Variants in CDKL3 observed in about 807,000 individuals in gnomAD.
The protein encoded by CDKL3 is cyclin-dependent kinase-like 3.
Under a neutral mutation model 69.3 loss-of-function variants are expected in CDKL3, and 65 were observed. That is an observed-to-expected ratio of 0.94 (90% CI 0.77 to 1.15). The LOEUF (loss-of-function observed/expected upper bound fraction) is 1.15. CDKL3 is among the 50% of genes most tolerant of loss of function. CDKL3 has a pLI of 0.00. For missense variants in CDKL3, 652 were observed against 689.2 expected (o/e 0.95, Z 0.61); for synonymous variants, 202 against 221.6 (o/e 0.91, Z 0.79).
intron 4 of CDKL3, among the ~76,000 whole-genome samples, chr5:134,340,344 G>A (rs1288763780): frequency 6.6e-6 from 1 of 151,696 alleles, no homozygotes; most frequent in Non-Finnish European, 1.5e-5. Context: ...ACTAAACCAA[G>A]CAAACAAAAA....
intron 11 of CDKL3, 135 bp downstream of exon 11, chr5:134,304,270 T>A (rs2149428609): frequency 1.5e-6 from 1 of 682,308 alleles, no homozygotes; most frequent in South Asian, 2.3e-5. Context: ...GGGGAGAAAA[T>A]CTCATCAGCT....
At chr5:134,291,233 A>G (rs928869127) in intron 8 of CDKL3, among the ~76,000 whole-genome samples, 9 of 152,216 alleles carry the variant, frequency 5.9e-5, no homozygotes, top group African/African-American at 2.2e-4. Context: ...ATTTTAATAT[A>G]GCTGTTGAAT....
In CDKL3 at chr5:134,321,844, T is replaced by C. The variant is rs370728517; in HGVS notation, c.599A>G (p.Tyr200Cys). Residue 200 changes from tyrosine to cysteine, a missense_variant, in exon 5 of 13, where the codon TAT becomes TGT. By Grantham distance (194) the Tyr-to-Cys change is radical (BLOSUM62 -2). Coordinates refer to ENST00000265334, the MANE Select transcript of CDKL3 (RefSeq NM_001113575.2). ...MIIEMATGNP[Y>C]LPSSSDLDLL... ...ATCCAAATCAGAACTACTAGGAAGATAGGGATTTCCAGTGGCCATCTCAAT... is the reference window on the plus strand; with the variant it reads ...ATCCAAATCAGAACTACTAGGAAGACAGGGATTTCCAGTGGCCATCTCAAT... The C allele has an allele frequency of 2.0e-5, 32 of 1,612,746 alleles. 2 individuals carry two copies. Among genetic ancestry groups the C allele is most frequent in the South Asian group, 7.7e-5 (7 of 90,974 alleles).
intron 3 of CDKL3, among the ~76,000 whole-genome samples, chr5:134,356,849 G>C (rs1754732920): frequency 6.6e-6 from 1 of 151,882 alleles, no homozygotes; most frequent in Non-Finnish European, 1.5e-5. Flanking sequence ...GGTTAGTTTT[G>C]TTTTACATCA....
At chr5:134,366,633 C>A in intron 1 of CDKL3, 89 bp from the exon 2 acceptor site, 1 of 819,186 alleles carries the variant, frequency 1.2e-6, no homozygotes, top group Non-Finnish European at 1.9e-6. Flanking sequence ...CACAATAAAC[C>A]CACAGTCTCA....
Position 134,350,436 on chromosome 5 carries a change from C to T in CDKL3, c.361-9G>A. 1 of 1,499,518 alleles carries T rather than the reference C, an allele frequency of 6.7e-7. No homozygotes were observed. The highest frequency in any genetic ancestry group is 9.1e-7 in the Non-Finnish European group (1 of 1,102,528). 92.9% of individuals were successfully genotyped at this position (1,499,518 alleles called of 1,614,324 possible). A position where few individuals can be genotyped will look rare whatever the true frequency, so the allele number is the denominator to read the frequency against. ...ATATCTCGATGAATGATCTAAAAAA[C>T]AAACAGAATACAAAATACATTAAAA... On this transcript the variant is annotated splice_polypyrimidine_tract_variant and intron_variant, in intron 3 of 12. Transcript: ENST00000265334.
chr5:134,291,129 C>G (rs181653068), intron 8 of CDKL3, among the ~76,000 whole-genome samples: 2 of 152,098 alleles, frequency 1.3e-5, no homozygotes, highest in African/African-American at 4.8e-5. Context: ...TTACCCTTAA[C>G]TAACATGCAG....
At chr5:134,371,558 T>C, upstream of CDKL3, 1 of 1,547,310 alleles carries the variant, frequency 6.5e-7, no homozygotes, top group East Asian at 2.3e-5. Context: ...GCGCGGGACT[T>C]TTTTTTTTTC....
Position 134,338,049 on chromosome 5 carries a change from A to G in CDKL3, c.539+12200T>C, listed in dbSNP as rs1201437505. Reference sequence around the variant, plus strand: ...AGAGCTGCCTCTACCTAGGGAAAAAATAATATGCATGCAATACATTATTGG... The same window carrying G: ...AGAGCTGCCTCTACCTAGGGAAAAAGTAATATGCATGCAATACATTATTGG... On this transcript the variant is annotated intron_variant, in intron 4 of 12. Transcript: ENST00000265334. 2.0e-5 allele frequency among the ~76,000 whole-genome samples: 3 copies of G among 152,210 alleles called. No homozygotes were observed. The East Asian group carries it at 5.8e-4, about 29-fold the overall frequency.
chr5:134,362,596 C>T (rs897364128), intron 2 of CDKL3, among the ~76,000 whole-genome samples: 1 of 152,094 alleles, frequency 6.6e-6, no homozygotes, highest in East Asian at 1.9e-4. Flanking sequence ...AGAAATCTCT[C>T]CAGTGGAATT....
intron 3 of CDKL3, among the ~76,000 whole-genome samples, chr5:134,358,421 T>A (rs1383170678): frequency 6.6e-6 from 1 of 152,140 alleles, no homozygotes; most frequent in East Asian, 1.9e-4. Flanking sequence ...CAGACTGAGA[T>A]CTCCTTTTAT....
intron 8 of CDKL3, among the ~76,000 whole-genome samples, chr5:134,289,814 C>T (rs2149403800): frequency 6.6e-6 from 1 of 152,238 alleles, no homozygotes; most frequent in Admixed American, 6.5e-5. Flanking sequence ...CATGTAACAG[C>T]TACTGGAAAC....
intron 10 of CDKL3, among the ~76,000 whole-genome samples, chr5:134,305,883 G>C (rs1438165626): frequency 6.6e-6 from 1 of 152,070 alleles, no homozygotes; most frequent in Admixed American, 6.6e-5. Context: ...AGTTGGGAGG[G>C]GGATGAACTA....
chr5:134,287,544 T>C (rs932934915), intron 8 of CDKL3, among the ~76,000 whole-genome samples: 1 of 152,194 alleles, frequency 6.6e-6, no homozygotes, highest in Non-Finnish European at 1.5e-5. Context: ...ACATGGATGC[T>C]ACCCAACAGA....
At chr5:134,352,481 A>T (rs1292259346) in intron 3 of CDKL3, among the ~76,000 whole-genome samples, 1 of 151,856 alleles carries the variant, frequency 6.6e-6, no homozygotes, top group Admixed American at 6.6e-5. Flanking sequence ...TTGTATTTTT[A>T]GTGGAGATGG....
chr5:134,320,766 C>A (rs573302688), intron 5 of CDKL3, among the ~76,000 whole-genome samples: 1 of 150,538 alleles, frequency 6.6e-6, no homozygotes, highest in African/African-American at 2.4e-5. Flanking sequence ...CCCAGCTACT[C>A]GGGAGGCTGA....
chr5:134,326,817 GTATATATATATATATATATATATATATA>G (rs1164800558), intron 4 of CDKL3, among the ~76,000 whole-genome samples: 1 of 120,494 alleles, frequency 8.3e-6, no homozygotes, highest in African/African-American at 3.6e-5. Context: ...ATATGTGTGT[GTATATATATATATATATATATATATATA>G]TATATATATA....
chr5:134,361,436 C>G (rs1322454725), intron 2 of CDKL3, among the ~76,000 whole-genome samples: 1 of 152,142 alleles, frequency 6.6e-6, no homozygotes, highest in African/African-American at 2.4e-5. Context: ...TCCAATAACA[C>G]AGTGTCAATT....
intron 12 of CDKL3, chr5:134,302,152 TGA>T: frequency 2.2e-6 from 1 of 456,216 alleles, no homozygotes. Flanking sequence ...GATAGTTAGC[TGA>T]GAGCAAATAT....
Sources: gnomAD v4.1 joint callset for allele counts (sites outside exome capture counted in the v4.1 genomes callset) on GRCh38, gnomAD v4.1.1 for gene constraint, MANE v1.5 for transcripts, NCBI Gene and HGNC (gene_info 2026-07-23, HGNC 2026-07-21) for gene names.